AGBL1: variants seen among roughly 807,000 people sequenced by gnomAD.
AGBL1 encodes the protein AGBL carboxypeptidase 1.
In AGBL1, 130 loss-of-function variants were observed where a neutral mutation model predicts 118.9. That is an observed-to-expected ratio of 1.09 (90% CI 0.95 to 1.26). The LOEUF is 1.26. Among genes scored for constraint, AGBL1 ranks in the 50% most tolerant of loss-of-function variants. The pLI is 0.00. For synonymous variants in AGBL1, 555 were observed against 478.9 expected (o/e 1.16, Z -2.08); for missense variants, 1,584 against 1,298.1 (o/e 1.22, Z -3.38).
At chr15:86,501,147 A>G (rs544073634) in intron 18 of AGBL1, among the ~76,000 whole-genome samples, 7 of 151,790 alleles carry the variant, frequency 4.6e-5, no homozygotes, top group South Asian at 2.1e-4. Flanking sequence ...ATGAGTTTCA[A>G]TTGATCCACA....
chr15:86,393,764 T>G (rs538674433), intron 17 of AGBL1, among the ~76,000 whole-genome samples: 2 of 152,128 alleles, frequency 1.3e-5, no homozygotes, highest in Non-Finnish European at 2.9e-5. Flanking sequence ...GGACTGAATA[T>G]GTATGTCCTC....
chr15:86,340,591 G>T (rs759432078), intron 17 of AGBL1, among the ~76,000 whole-genome samples: 3 of 152,160 alleles, frequency 2.0e-5, no homozygotes, highest in Non-Finnish European at 4.4e-5. Flanking sequence ...CTTCAGAATG[G>T]GTGTGGCCCT....
intron 24 of AGBL1, among the ~76,000 whole-genome samples, chr15:87,024,026 A>G (rs537792846): frequency 1.3e-5 from 2 of 152,212 alleles, no homozygotes; most frequent in African/African-American, 4.8e-5. Flanking sequence ...CTACATCAAA[A>G]AGTCTAAAAG....
At chr15:86,810,938 G>A (rs956533777) in intron 22 of AGBL1, among the ~76,000 whole-genome samples, 1 of 152,186 alleles carries the variant, frequency 6.6e-6, no homozygotes, top group African/African-American at 2.4e-5. Flanking sequence ...ACACACAGAG[G>A]AGGAAGTGCT....
intron 22 of AGBL1, among the ~76,000 whole-genome samples, chr15:86,744,345 G>T (rs1223391307): frequency 6.6e-6 from 1 of 152,050 alleles, no homozygotes; most frequent in East Asian, 1.9e-4. Context: ...TTTATTGTTT[G>T]TCCCGGCCTA....
intron 18 of AGBL1, among the ~76,000 whole-genome samples, chr15:86,469,249 C>T (rs536134594): frequency 2.5e-4 from 38 of 152,296 alleles, no homozygotes; most frequent in African/African-American, 9.1e-4. Context: ...TTTTCCAATT[C>T]CCTCAGCCTC....
intron 1 of AGBL1, among the ~76,000 whole-genome samples, chr15:86,094,547 C>T (rs944181310): frequency 6.6e-6 from 1 of 152,054 alleles, no homozygotes; most frequent in Non-Finnish European, 1.5e-5. Flanking sequence ...TAGGATTGGG[C>T]AGAGGGGAGA....
chr15:87,008,214 G>T (rs1567284570), intron 24 of AGBL1, among the ~76,000 whole-genome samples: 1 of 152,274 alleles, frequency 6.6e-6, no homozygotes, highest in South Asian at 2.1e-4. Flanking sequence ...TCCCCACCCG[G>T]ATCTCATCTA....
At chr15:86,248,728 C>T (rs759572770) in intron 7 of AGBL1, among the ~76,000 whole-genome samples, 2 of 152,082 alleles carry the variant, frequency 1.3e-5, no homozygotes, top group Non-Finnish European at 2.9e-5. Context: ...ATAGGGAAAA[C>T]CTCCTAGCAG....
chr15:87,016,354 G>GGAGTTA (rs2081608163), intron 24 of AGBL1, among the ~76,000 whole-genome samples: 1 of 152,188 alleles, frequency 6.6e-6, no homozygotes, highest in African/African-American at 2.4e-5. Flanking sequence ...TCAGCCTGGA[G>GGAGTTA]GAGTTAGAGA....
intron 6 of AGBL1, among the ~76,000 whole-genome samples, chr15:86,239,006 G>GGGGGAAGAGCAGAGATGTGT (rs2078599811): frequency 1.4e-5 from 2 of 140,120 alleles, no homozygotes; most frequent in Non-Finnish European, 2.9e-5. Flanking sequence ...TGCTGAGGGT[G>GGGGGAAGAGCAGAGATGTGT]GGGGAAGAGC....
intron 5 of AGBL1, among the ~76,000 whole-genome samples, chr15:86,183,650 C>A (rs1022610642): frequency 1.5e-4 from 23 of 152,154 alleles, no homozygotes; most frequent in African/African-American, 5.6e-4. Context: ...CAGCCTCAGA[C>A]CTCTGTTTCC....
At chr15:86,472,174 G>C (rs901696311) in intron 18 of AGBL1, among the ~76,000 whole-genome samples, 24 of 152,176 alleles carry the variant, frequency 1.6e-4, no homozygotes, top group African/African-American at 5.6e-4. Flanking sequence ...AGAAGTGTGA[G>C]AGAATACATT....
chr15:86,578,816 G>A (rs941650281), intron 21 of AGBL1, among the ~76,000 whole-genome samples: 10 of 152,148 alleles, frequency 6.6e-5, no homozygotes, highest in African/African-American at 1.9e-4. Context: ...TGACTGTGAA[G>A]CCTCCCAGCC....
At chr15:86,835,910 T>G (rs1164966052) in intron 22 of AGBL1, among the ~76,000 whole-genome samples, 1 of 152,184 alleles carries the variant, frequency 6.6e-6, no homozygotes, top group Admixed American at 6.5e-5. Flanking sequence ...AAGTCCATCT[T>G]CTTTCATTCA....
intron 18 of AGBL1, among the ~76,000 whole-genome samples, chr15:86,485,920 C>G (rs370424068): frequency 6.6e-6 from 1 of 151,920 alleles, no homozygotes; most frequent in African/African-American, 2.4e-5. Flanking sequence ...CTCTCCTTTC[C>G]TTCTCCTCCT....
intron 18 of AGBL1, among the ~76,000 whole-genome samples, chr15:86,492,166 A>C (rs756289986): frequency 6.6e-6 from 1 of 152,128 alleles, no homozygotes; most frequent in Non-Finnish European, 1.5e-5. Context: ...TGATGCAAGC[A>C]TATAGAAGAA....
intron 22 of AGBL1, among the ~76,000 whole-genome samples, chr15:86,700,076 G>T (rs1039711075): frequency 2.9e-4 from 44 of 151,652 alleles, no homozygotes; most frequent in Non-Finnish European, 2.5e-4. Flanking sequence ...ATTTATTTAG[G>T]TATATATCTA....
At chr15:86,693,689 T>G (rs2575865) in intron 22 of AGBL1, among the ~76,000 whole-genome samples, 81,485 of 151,328 alleles carry the variant, frequency 0.54, 22,473 homozygotes, top group Non-Finnish European at 0.6. Context: ...GCCTAGAGGG[T>G]CTTTTCCAAT....
Sources: gnomAD v4.1 joint callset for allele counts (sites outside exome capture counted in the v4.1 genomes callset) on GRCh38, gnomAD v4.1.1 for gene constraint, MANE v1.5 for transcripts, NCBI Gene and HGNC (gene_info 2026-07-23, HGNC 2026-07-21) for gene names.